The following TRPM3 variants were observed in gnomAD, a reference collection of about 807,000 sequenced individuals.
TRPM3 encodes transient receptor potential cation channel subfamily M member 3, also known as long transient receptor potential channel 3.
A neutral mutation model predicts 181.2 loss-of-function variants in TRPM3; 77 were observed. That is an observed-to-expected ratio of 0.42 (90% CI 0.35 to 0.51). The LOEUF is 0.51. Ranked by LOEUF, TRPM3 falls within the 20% of genes least tolerant of loss-of-function variation. TRPM3 has a pLI of 0.01. For synonymous variants in TRPM3, 745 were observed against 796.4 expected, an observed-to-expected ratio of 0.94 and a Z score of 1.09; for missense variants, 1,759 against 2,196.7, an observed-to-expected ratio of 0.80 and a Z score of 3.98.
At chr9:70,837,093 C>T (rs1203389007) in intron 5 of TRPM3, among the ~76,000 whole-genome samples, 1 of 152,144 alleles carries the variant, frequency 6.6e-6, no homozygotes, top group Non-Finnish European at 1.5e-5. Flanking sequence ...CCGACCTTTT[C>T]CTCACACATC....
chr9:71,230,541 A>T (rs574226689), intron 1 of TRPM3, among the ~76,000 whole-genome samples: 2 of 152,288 alleles, frequency 1.3e-5, no homozygotes, highest in African/African-American at 4.8e-5. Context: ...GTAATTTTAT[A>T]CATTATATGC....
At chr9:71,278,256 TC>T (rs1427610702) in intron 1 of TRPM3, among the ~76,000 whole-genome samples, 1 of 152,146 alleles carries the variant, frequency 6.6e-6, no homozygotes, top group Non-Finnish European at 1.5e-5. Context: ...AGAGGAGAAA[TC>T]AACAACCTTT....
chr9:70,860,668 T>G (rs1338875684), intron 3 of TRPM3, among the ~76,000 whole-genome samples: 1 of 152,162 alleles, frequency 6.6e-6, no homozygotes, highest in Non-Finnish European at 1.5e-5. Flanking sequence ...ACTGAAAAAG[T>G]GTAATTTGGC....
chr9:70,898,404 G>A (rs1442892765), intron 1 of TRPM3, among the ~76,000 whole-genome samples: 1 of 151,030 alleles, frequency 6.6e-6, no homozygotes, highest in Admixed American at 6.6e-5. Context: ...TTACAGGCGT[G>A]AGCCACCGCG....
At position 70,988,219 on chromosome 9, in the gene TRPM3, G is replaced by A. The variant is rs140159537; in HGVS notation, c.178-123708C>T. ...AGTGAATCAGAGCCTAGAAATGAAC[G>A]CAAAGCTTGCCACTGATTAAAATAC... On this transcript the variant is annotated intron_variant, in intron 1 of 25. Transcript: ENST00000677713. Among the ~76,000 whole-genome samples the A allele has an allele frequency of 9.9e-5, 15 of 152,238 alleles. No individual in the cohort carries two copies. In the East Asian group the frequency reaches 2.5e-3, roughly 25 times the overall value.
In TRPM3 at chr9:70,537,409, C is replaced by T. The variant is rs142578003; in HGVS notation, c.3708-4G>A. On this transcript the variant is annotated splice_region_variant and splice_polypyrimidine_tract_variant and intron_variant, in intron 25 of 25. Transcript: ENST00000677713. ...CCGCATAGACATGTTCTCCACCCTG[C>T]GCGAGGAAGAGAGAATGAGAGTCAC... 10 of 1,440,948 alleles carry T rather than the reference C, an allele frequency of 6.9e-6. No individual in the cohort carries two copies. Among genetic ancestry groups the T allele is most frequent in the Admixed American group, 5.1e-5 (2 of 39,408 alleles). The allele number at this position is 1,440,948 out of a possible 1,614,324, so 89.3% of individuals were successfully genotyped here. A position where few individuals can be genotyped will look rare whatever the true frequency, so the allele number is the denominator to read the frequency against.
At chr9:70,902,960 C>T (rs891314574) in intron 1 of TRPM3, among the ~76,000 whole-genome samples, 5 of 152,220 alleles carry the variant, frequency 3.3e-5, no homozygotes, top group South Asian at 2.1e-4. Flanking sequence ...GCCACAAGTA[C>T]GTAAGGTTCC....
Position 70,697,180 on chromosome 9 carries a change from T to C in TRPM3, c.1273-15602A>G, listed in dbSNP as rs150156764. Among the ~76,000 whole-genome samples the C allele has an allele frequency of 5.6e-4, 85 of 152,304 alleles. 1 individual carries two copies. Among genetic ancestry groups the C allele is most frequent in the African/African-American group, 2.0e-3 (84 of 41,576 alleles). On this transcript the variant is annotated intron_variant, in intron 8 of 25. Coordinates refer to ENST00000677713, the MANE Select transcript of TRPM3 (RefSeq NM_001366145.2). The stretch of plus-strand genomic sequence containing the variant: ...ATTAAAACTAAAGCTGGTGGGAGAA[T>C]GCAAGTCCTCACGTAAAACTTCATT...
chr9:70,833,455 AT>A (rs1020503443), intron 5 of TRPM3, among the ~76,000 whole-genome samples: 4 of 152,190 alleles, frequency 2.6e-5, no homozygotes, highest in Non-Finnish European at 4.4e-5. Flanking sequence ...AGGCTGAAAA[AT>A]ATTAGCATTT....
chr9:70,761,937 G>A (rs964669462), intron 7 of TRPM3, among the ~76,000 whole-genome samples: 1 of 152,076 alleles, frequency 6.6e-6, no homozygotes, highest in African/African-American at 2.4e-5. Flanking sequence ...ACCAACAGTC[G>A]AAAGATTGAT....
At chr9:71,082,731 C>G (rs2064573875) in intron 1 of TRPM3, among the ~76,000 whole-genome samples, 1 of 152,028 alleles carries the variant, frequency 6.6e-6, no homozygotes, top group Non-Finnish European at 1.5e-5. Flanking sequence ...TTAAAGTGAT[C>G]TACATCAGGA....
chr9:70,572,707 A>G (rs1405952048), intron 22 of TRPM3, among the ~76,000 whole-genome samples: 2 of 152,160 alleles, frequency 1.3e-5, no homozygotes, highest in African/African-American at 4.8e-5. Flanking sequence ...CCTTCTTTTT[A>G]TAACATATCA....
chr9:70,972,063 C>A (rs1181537330), intron 1 of TRPM3, among the ~76,000 whole-genome samples: 2 of 152,126 alleles, frequency 1.3e-5, no homozygotes, highest in African/African-American at 2.4e-5. Context: ...AGTTATATGA[C>A]CTGGCAATTC....
intron 1 of TRPM3, among the ~76,000 whole-genome samples, chr9:71,241,311 C>T (rs565023727): frequency 1.2e-3 from 186 of 152,236 alleles, no homozygotes; most frequent in Non-Finnish European, 2.2e-3. Flanking sequence ...GCTCCTTTCA[C>T]TATGGTCCTG....
At chr9:71,120,724 G>A (rs1587467977) in intron 1 of TRPM3, among the ~76,000 whole-genome samples, 1 of 152,146 alleles carries the variant, frequency 6.6e-6, no homozygotes, top group Non-Finnish European at 1.5e-5. Context: ...AAACTAATGA[G>A]GAGAATCCTT....
chr9:70,646,899 A>C (rs984718027), intron 9 of TRPM3, among the ~76,000 whole-genome samples: 3 of 150,970 alleles, frequency 2.0e-5, no homozygotes, highest in Admixed American at 2.0e-4. Flanking sequence ...AAACCCTCAG[A>C]GTCTATTAGG....
chr9:71,210,399 G>A (rs899069769), intron 1 of TRPM3, among the ~76,000 whole-genome samples: 2 of 152,114 alleles, frequency 1.3e-5, no homozygotes, highest in African/African-American at 4.8e-5. Context: ...CACCATAAAT[G>A]TAATGCACTT....
At chr9:70,670,716 C>A (rs1423619787) in intron 9 of TRPM3, among the ~76,000 whole-genome samples, 1 of 151,988 alleles carries the variant, frequency 6.6e-6, no homozygotes, top group East Asian at 1.9e-4. Flanking sequence ...TTTTTAAAAC[C>A]CGTTTCAGAA....
At chr9:71,295,230 G>A (rs7871558) in intron 1 of TRPM3, among the ~76,000 whole-genome samples, 3,302 of 152,130 alleles carry the variant, frequency 0.022, 46 homozygotes, top group South Asian at 0.029. Flanking sequence ...GCTCAGCAAG[G>A]TAGGAGGTAT....
Sources: allele counts gnomAD v4.1 joint callset (sites outside exome capture counted in the v4.1 genomes callset), GRCh38; gene constraint gnomAD v4.1.1; transcripts MANE v1.5; gene names NCBI Gene and HGNC (gene_info 2026-07-23, HGNC 2026-07-21).